Variants in COL5A2 observed in about 807,000 individuals in gnomAD.
COL5A2 encodes the protein collagen type V alpha 2 chain.
In COL5A2, 23 loss-of-function variants were observed where a neutral mutation model predicts 208.2. The ratio of observed to expected loss-of-function variants is 0.11; its 90% CI spans 0.08 to 0.16. COL5A2 has a LOEUF of 0.16. Ranked by LOEUF, COL5A2 falls within the 10% of genes least tolerant of loss-of-function variation. The probability of loss-of-function intolerance (pLI) is 1.00; values close to 1 mark genes in which losing one functional copy is unlikely to be tolerated. For missense variants in COL5A2, 1,590 were observed against 1,956.4 expected (o/e 0.81, Z 3.53); for synonymous variants, 625 against 628.5 (o/e 0.99, Z 0.08).
the COL5A2 span, among the ~76,000 whole-genome samples, chr2:189,434,565 T>G: frequency 2.0e-5 from 3 of 152,146 alleles, no homozygotes; most frequent in African/African-American, 7.2e-5. Flanking sequence ...ATGAGTGCAC[T>G]CCCATTCACA....
intron 50 of COL5A2, 85 bp from the exon 51 acceptor site, chr2:189,039,648 A>G (rs769175242): frequency 2.3e-6 from 3 of 1,314,736 alleles, no homozygotes; most frequent in East Asian, 2.4e-5. Context: ...GGGAGTTCCA[A>G]TGAGACACTC....
At chr2:189,078,062 G>C (rs1576511906) in intron 16 of COL5A2, among the ~76,000 whole-genome samples, 1 of 152,090 alleles carries the variant, frequency 6.6e-6, no homozygotes, top group African/African-American at 2.4e-5. Context: ...GTGATCAGGA[G>C]GCTCACATCT....
intron 18 of COL5A2, among the ~76,000 whole-genome samples, chr2:189,070,828 G>T (rs79847813): frequency 0.061 from 9,311 of 152,172 alleles, 379 homozygotes; most frequent in Middle Eastern, 0.099. Context: ...ACTTCAGGGA[G>T]CAGATCAGAT....
At chr2:189,165,553 T>C (rs1383938721) in intron 1 of COL5A2, among the ~76,000 whole-genome samples, 1 of 152,172 alleles carries the variant, frequency 6.6e-6, no homozygotes, top group African/African-American at 2.4e-5. Flanking sequence ...AAAGTACTAA[T>C]AACATCCACA....
chr2:189,238,361 C>T, the COL5A2 span, among the ~76,000 whole-genome samples: 1 of 152,030 alleles, frequency 6.6e-6, no homozygotes, highest in Non-Finnish European at 1.5e-5. Flanking sequence ...CTTTCCTGTA[C>T]ATTGAAAATG....
chr2:189,222,104 C>G (rs1489843665), intron 1 of COL5A2, among the ~76,000 whole-genome samples: 1 of 152,060 alleles, frequency 6.6e-6, no homozygotes, highest in Non-Finnish European at 1.5e-5. Context: ...TCAGATAAGT[C>G]ACTATCATTT....
intron 1 of COL5A2, among the ~76,000 whole-genome samples, chr2:189,136,791 G>T (rs918536342): frequency 2.0e-5 from 3 of 151,912 alleles, no homozygotes; most frequent in African/African-American, 4.8e-5. Context: ...TAATCACACT[G>T]CTTTTTTCCA....
Position 189,043,887 on chromosome 2 carries a change from G to C in COL5A2, c.3364-629C>G, listed in dbSNP as rs1022925379. 3.7e-4 allele frequency among the ~76,000 whole-genome samples: 56 copies of C among 152,296 alleles called. 1 individual carries two copies. Among genetic ancestry groups the C allele is most frequent in the African/African-American group, 1.3e-3 (52 of 41,568 alleles). On this transcript the variant is annotated intron_variant, in intron 47 of 53. Transcript: ENST00000374866. Reference sequence around the variant, plus strand: ...ATCCAGTGATCTTGATGCTAAGCTTGATCTACGGCTACAAAGAAAGCCGTA... The same window carrying C: ...ATCCAGTGATCTTGATGCTAAGCTTCATCTACGGCTACAAAGAAAGCCGTA...
intron 1 of COL5A2, among the ~76,000 whole-genome samples, chr2:189,217,825 GTGA>G (rs1239972423): frequency 6.6e-6 from 1 of 152,166 alleles, no homozygotes; most frequent in African/African-American, 2.4e-5. Flanking sequence ...GGAAGGGACT[GTGA>G]TGATGACGCT....
the COL5A2 span, among the ~76,000 whole-genome samples, chr2:189,359,992 A>G: frequency 2.7e-3 from 416 of 152,092 alleles, no homozygotes; most frequent in African/African-American, 9.5e-3. Context: ...AATTTTGTTT[A>G]TCTTTTCAAA....
chr2:189,354,211 T>C, the COL5A2 span, among the ~76,000 whole-genome samples: 1 of 152,188 alleles, frequency 6.6e-6, no homozygotes, highest in African/African-American at 2.4e-5. Flanking sequence ...TTCGCATCGA[T>C]GTTCATCAGG....
the COL5A2 span, among the ~76,000 whole-genome samples, chr2:189,335,306 A>C: frequency 6.6e-6 from 1 of 152,102 alleles, no homozygotes; most frequent in Non-Finnish European, 1.5e-5. Flanking sequence ...TAAAGCAGAC[A>C]ACAACAAATA....
chr2:189,191,428 G>A (rs549044628), intron 1 of COL5A2, among the ~76,000 whole-genome samples: 28 of 152,114 alleles, frequency 1.8e-4, no homozygotes, highest in African/African-American at 6.3e-4. Flanking sequence ...ATCACCTGAG[G>A]TCAGGAGTTC....
the COL5A2 span, among the ~76,000 whole-genome samples, chr2:189,233,609 A>C: frequency 6.6e-6 from 1 of 151,634 alleles, no homozygotes; most frequent in Non-Finnish European, 1.5e-5. Context: ...TCTTTAATGG[A>C]GTTTATTCCA....
At chr2:189,266,539 C>T in the COL5A2 span, among the ~76,000 whole-genome samples, 5 of 151,904 alleles carry the variant, frequency 3.3e-5, no homozygotes, top group Non-Finnish European at 7.4e-5. Flanking sequence ...ATTTTATGAT[C>T]CTAAATCTAT....
At chr2:189,365,063 G>A in the COL5A2 span, among the ~76,000 whole-genome samples, 164 of 152,220 alleles carry the variant, frequency 1.1e-3, 3 homozygotes, top group East Asian at 0.029. Context: ...ATATAAGATA[G>A]TATCAAATAC....
chr2:189,042,576 C>T, intron 49 of COL5A2, 144 bp downstream of exon 49: 1 of 730,576 alleles, frequency 1.4e-6, no homozygotes, highest in Non-Finnish European at 2.4e-6. Flanking sequence ...TGCTAAATAG[C>T]TTGTCTCATA....
intron 1 of COL5A2, among the ~76,000 whole-genome samples, chr2:189,208,460 G>A (rs1559146176): frequency 6.6e-6 from 1 of 152,160 alleles, no homozygotes; most frequent in Non-Finnish European, 1.5e-5. Context: ...CAATAAAAAG[G>A]ATGGCAGAAG....
At chr2:189,096,445 A>C (rs111915005) in intron 6 of COL5A2, among the ~76,000 whole-genome samples, 20,138 of 151,464 alleles carry the variant, frequency 0.13, 1,367 homozygotes, top group Middle Eastern at 0.19. Context: ...CACGGTGAAA[A>C]CTCGTCTCTA....
Sources: gnomAD v4.1 joint callset for allele counts (sites outside exome capture counted in the v4.1 genomes callset) on GRCh38, gnomAD v4.1.1 for gene constraint, MANE v1.5 for transcripts, NCBI Gene and HGNC (gene_info 2026-07-23, HGNC 2026-07-21) for gene names.